PIAS1: variants seen among roughly 807,000 people sequenced by gnomAD.
PIAS1 encodes the protein E3 SUMO-protein ligase PIAS1.
PIAS1 carries 6 observed loss-of-function variants against 71.3 expected under a neutral mutation model. The ratio of observed to expected loss-of-function variants is 0.08; its 90% CI spans 0.05 to 0.17. PIAS1 has a LOEUF of 0.17. Among genes scored for constraint, PIAS1 ranks in the 10% least tolerant of loss-of-function variants. The pLI is 1.00. For synonymous variants in PIAS1, 303 were observed against 292.9 expected (o/e 1.03, Z -0.35); for missense variants, 555 against 793.6 (o/e 0.70, Z 3.61).
At chr15:68,158,082 C>A (rs2092902921) in intron 7 of PIAS1, among the ~76,000 whole-genome samples, 5 of 152,128 alleles carry the variant, frequency 3.3e-5, no homozygotes, top group Admixed American at 2.0e-4. Flanking sequence ...AAAATCTTAC[C>A]ATTCTCATTC....
chr15:68,072,399 C>CAAAAA lies in PIAS1; in HGVS notation c.25-13882_25-13878dup, dbSNP rs1166484451. Among the ~76,000 whole-genome samples, 47 of 25,022 alleles carry CAAAAA rather than the reference C, an allele frequency of 1.9e-3. 2 individuals are homozygous for CAAAAA. The highest frequency in any genetic ancestry group is 5.7e-3 in the African/African-American group (43 of 7,498). 16.4% of individuals were successfully genotyped at this position (25,022 alleles called of 152,430 possible). A position where few individuals can be genotyped will look rare whatever the true frequency, so the allele number is the denominator to read the frequency against. On this transcript the variant is annotated intron_variant, in intron 1 of 13. Transcript: ENST00000249636. The stretch of plus-strand genomic sequence containing the variant: ...TGGGTGACAGAGCGAGACTCCATCT[C>CAAAAA]AAAAAAAAAAAAAAAAAAAAAAAAA...
At chr15:68,098,264 G>A (rs1396012365) in intron 2 of PIAS1, among the ~76,000 whole-genome samples, 1 of 152,138 alleles carries the variant, frequency 6.6e-6, no homozygotes, top group Non-Finnish European at 1.5e-5. Flanking sequence ...TGTATGTATT[G>A]TGTACTGTAT....
intron 1 of PIAS1, among the ~76,000 whole-genome samples, chr15:68,058,172 T>C (rs949939196): frequency 2.6e-5 from 4 of 152,254 alleles, no homozygotes; most frequent in Non-Finnish European, 2.9e-5. Flanking sequence ...ACTGGGTGTT[T>C]ATGATGAGAT....
intron 10 of PIAS1, 150 bp from the exon 11 acceptor site, chr15:68,176,324 C>A: frequency 2.4e-6 from 1 of 413,400 alleles, no homozygotes; most frequent in Non-Finnish European, 4.3e-6. Context: ...TAGTTTTAAA[C>A]TTAGAAGAAC....
rs548342469 is a variant in PIAS1, at chr15:68,184,890, T to C, written c.1662+1223T>C. ...TGGCACAGTGAGAACTCCAGAGCCTTCAAGCATGTCAGCAAGCACACACTG... is the reference window on the plus strand; with the variant it reads ...TGGCACAGTGAGAACTCCAGAGCCTCCAAGCATGTCAGCAAGCACACACTG... On this transcript the variant is annotated intron_variant, in intron 13 of 13. Transcript: ENST00000249636. The C allele has an allele frequency of 3.3e-5, 5 of 153,526 alleles. No homozygotes were observed. The Admixed American group carries it at 3.3e-4, about 10-fold the overall frequency. 9.5% of individuals were successfully genotyped at this position (153,526 alleles called of 1,614,324 possible).
rs774581764 is a variant in PIAS1 at position 68,191,028 on chromosome 15, T to G, written c.*3193T>G. ...TTAAACACATAAAACTTTCAAGATC[T>G]TCAGGACTTTTTAAAGCACATTTGA... is the stretch of plus-strand genomic sequence containing the variant. On this transcript the variant is annotated 3_prime_UTR_variant, in exon 14 of 14. Coordinates refer to ENST00000249636, the MANE Select transcript of PIAS1 (RefSeq NM_016166.3). 1.4e-4 allele frequency: 21 copies of G among 152,452 alleles called. No homozygotes were observed. Among genetic ancestry groups the G allele is most frequent in the Non-Finnish European group, 2.8e-4 (19 of 68,048 alleles). The allele number at this position is 152,452 out of a possible 1,614,324, so 9.4% of individuals were successfully genotyped here.
chr15:68,081,591 G>T (rs2092229581), intron 1 of PIAS1, among the ~76,000 whole-genome samples: 1 of 151,954 alleles, frequency 6.6e-6, no homozygotes, highest in South Asian at 2.1e-4. Flanking sequence ...AGAGGAAAAA[G>T]AAAAGAGAAA....
intron 1 of PIAS1, among the ~76,000 whole-genome samples, chr15:68,084,796 CT>C (rs1427264096): frequency 6.6e-6 from 1 of 152,138 alleles, no homozygotes; most frequent in Non-Finnish European, 1.5e-5. Context: ...TATAGAATCA[CT>C]TGTGTAAACA....
intron 2 of PIAS1, among the ~76,000 whole-genome samples, chr15:68,094,122 A>G (rs773889187): frequency 1.1e-4 from 16 of 150,240 alleles, no homozygotes; most frequent in South Asian, 2.1e-4. Flanking sequence ...AAGAATGTCT[A>G]TTTTCTGGGC....
chr15:68,099,678 T>A (rs1009779119), intron 2 of PIAS1, among the ~76,000 whole-genome samples: 1 of 143,228 alleles, frequency 7.0e-6, no homozygotes, highest in African/African-American at 2.9e-5. Context: ...TTTTGGGGGT[T>A]TTTTTTTTGG....
At chr15:68,182,782 G>A (rs956319354) in intron 12 of PIAS1, among the ~76,000 whole-genome samples, 43 of 152,244 alleles carry the variant, frequency 2.8e-4, no homozygotes, top group African/African-American at 9.6e-4. Flanking sequence ...TGTATGAAAC[G>A]CACTGTCACT....
Position 68,171,552 on chromosome 15 carries a change from C to G in PIAS1, c.1009-2180C>G, listed in dbSNP as rs2092991772. 6.6e-6 allele frequency among the ~76,000 whole-genome samples: 1 copy of G among 152,168 alleles called. No homozygotes were observed. The highest frequency in any genetic ancestry group is 2.4e-5 in the African/African-American group (1 of 41,434). On this transcript the variant is annotated intron_variant, in intron 8 of 13. Transcript: ENST00000249636. The surrounding 1 kb of genome is among the most constrained non-coding windows in gnomAD (Gnocchi z 4.4). The stretch of plus-strand genomic sequence containing the variant: ...CAGAAGGGAGTTACCAGTTTTTACT[C>G]TAGGTCCCTCCAGGTTATACTTCTG...
Position 68,086,895 on chromosome 15 carries a change from GATAAA to G in PIAS1, c.469+148_469+152del, listed in dbSNP as rs755948387. On this transcript the variant is annotated intron_variant, in intron 2 of 13. Transcript: ENST00000249636. The surrounding 1 kb of genome is among the most constrained non-coding windows in gnomAD (Gnocchi z 7.2). ...TAATAATGAAGATCTTTCAAATTTA[GATAAA>G]ATCAAATATATAAAAGCTGTCTTTC... is the stretch of plus-strand genomic sequence containing the variant. 1 of 573,918 alleles carries G rather than the reference GATAAA, an allele frequency of 1.7e-6. No homozygotes were observed. The highest frequency in any genetic ancestry group is 3.1e-6 in the Non-Finnish European group (1 of 327,282). The allele number at this position is 573,918 out of a possible 1,614,324, so 35.6% of individuals were successfully genotyped here.
intron 2 of PIAS1, among the ~76,000 whole-genome samples, chr15:68,104,464 T>C (rs903944346): frequency 7.9e-5 from 12 of 152,220 alleles, no homozygotes; most frequent in African/African-American, 2.9e-4. Flanking sequence ...AATTACTGTG[T>C]CTTGCCTCTT....
chr15:68,075,078 C>CTTTTTTTTT (rs146114696), intron 1 of PIAS1, among the ~76,000 whole-genome samples: 46 of 81,768 alleles, frequency 5.6e-4, no homozygotes, highest in East Asian at 2.6e-3. Context: ...TTCTTTCTTT[C>CTTTTTTTTT]TTTTTTTTTT....
intron 1 of PIAS1, among the ~76,000 whole-genome samples, chr15:68,059,000 CTT>C (rs35348345): frequency 0.011 from 960 of 84,932 alleles, 3 homozygotes; most frequent in African/African-American, 0.033. Flanking sequence ...GATTATTCTA[CTT>C]TTTTTTTTTT....
chr15:68,076,536 A>G (rs893836588), intron 1 of PIAS1, among the ~76,000 whole-genome samples: 2 of 152,166 alleles, frequency 1.3e-5, no homozygotes, highest in Admixed American at 1.3e-4. Context: ...AGATTGGGGA[A>G]TCCTAGGAGA....
At chr15:68,103,506 A>G (rs989145048) in intron 2 of PIAS1, among the ~76,000 whole-genome samples, 2 of 152,036 alleles carry the variant, frequency 1.3e-5, no homozygotes, top group African/African-American at 4.8e-5. Flanking sequence ...TGTACAATTC[A>G]TTGGTTTTAC....
intron 2 of PIAS1, among the ~76,000 whole-genome samples, chr15:68,140,125 A>G (rs577796090): frequency 6.6e-6 from 1 of 152,056 alleles, no homozygotes; most frequent in African/African-American, 2.4e-5. Flanking sequence ...TGTAGGGGCT[A>G]TTATTAAGTA....
Sources: allele counts gnomAD v4.1 joint callset (sites outside exome capture counted in the v4.1 genomes callset), GRCh38; gene constraint gnomAD v4.1.1; non-coding constraint Gnocchi (gnomAD v3.1); transcripts MANE v1.5; gene names NCBI Gene and HGNC (gene_info 2026-07-23, HGNC 2026-07-21).